Variants in ACYP2 observed in about 807,000 individuals in gnomAD.
ACYP2 encodes acylphosphatase-2.
A neutral mutation model predicts 11.2 loss-of-function variants in ACYP2; 12 were observed. The observed-to-expected ratio is 1.08, with a 90% CI of 0.69 to 1.74. ACYP2 has a LOEUF of 1.74. Among genes scored for constraint, ACYP2 ranks in the 40% most tolerant of loss-of-function variants. The probability of loss-of-function intolerance (pLI) is 0.00; values close to 1 mark genes in which losing one functional copy is unlikely to be tolerated. For missense variants in ACYP2, 134 were observed against 101.9 expected, an observed-to-expected ratio of 1.31 and a Z score of -1.35; for synonymous variants, 43 against 32.2, an observed-to-expected ratio of 1.33 and a Z score of -1.13.
chr2:53,990,344 A>G (rs759130096), intron 2 of ACYP2, among the ~76,000 whole-genome samples: 13 of 152,070 alleles, frequency 8.5e-5, no homozygotes, highest in Non-Finnish European at 1.9e-4. Flanking sequence ...AACAAGCAAG[A>G]TAGTTGATAT....
intron 4 of ACYP2, among the ~76,000 whole-genome samples, chr2:54,114,379 TC>T (rs1679621716): frequency 8.2e-5 from 2 of 24,388 alleles, no homozygotes; most frequent in African/African-American, 4.0e-4. Flanking sequence ...ATCAAGACAA[TC>T]AAAAAAAAAA....
rs76606751 is a variant in ACYP2 at position 54,107,036 on chromosome 2, T to A, written c.278-28417T>A. ...CATGCACCTAAAAGTATTTTAGAAG[T>A]GTGTCACCGAAATGAAAGACATTTA... On this transcript the variant is annotated intron_variant, in intron 4 of 6. Coordinates refer to ENST00000607452, the MANE Select transcript of ACYP2 (RefSeq NM_001320586.2). Among the ~76,000 whole-genome samples, 251 of 152,306 alleles carry A rather than the reference T, an allele frequency of 1.6e-3. 2 individuals are homozygous for A. The highest frequency in any genetic ancestry group is 5.7e-3 in the African/African-American group (237 of 41,564).
In ACYP2 at chr2:54,267,379, A is replaced by C. The variant is rs945685238; in HGVS notation, c.405-37309A>C. 1.9e-6 allele frequency: 3 copies of C among 1,539,958 alleles called. No homozygotes were observed. The African/African-American group carries it at 4.2e-5, about 21-fold the overall frequency. The stretch of plus-strand genomic sequence containing the variant: ...AGGAGAATTCAGGTGAGAGGTTTCT[A>C]CTTTCAAATGAGAAGGGCTTATACA... On this transcript the variant is annotated intron_variant, in intron 6 of 6. Coordinates refer to ENST00000607452, the MANE Select transcript of ACYP2 (RefSeq NM_001320586.2).
chr2:54,275,675 CCTTT>C (rs1688527077), intron 6 of ACYP2, among the ~76,000 whole-genome samples: 1 of 152,230 alleles, frequency 6.6e-6, no homozygotes, highest in East Asian at 1.9e-4. Context: ...CTAACAATTT[CCTTT>C]CTAAGGAACA....
chr2:54,144,627 T>C (rs191274594), intron 6 of ACYP2, among the ~76,000 whole-genome samples: 353 of 149,174 alleles, frequency 2.4e-3, no homozygotes, highest in African/African-American at 8.0e-3. Flanking sequence ...TGAGCCAAGA[T>C]CATGCCACTG....
intron 2 of ACYP2, among the ~76,000 whole-genome samples, chr2:54,025,987 G>C (rs1455261096): frequency 2.0e-5 from 3 of 152,146 alleles, no homozygotes; most frequent in African/African-American, 7.2e-5. Flanking sequence ...CGTGATGGCA[G>C]GCGCCTGTAG....
chr2:54,255,907 C>T (rs1687496760), intron 6 of ACYP2: 2 of 1,613,990 alleles, frequency 1.2e-6, no homozygotes, highest in Non-Finnish European at 1.7e-6. Context: ...TTTGATGGCT[C>T]CATGACTGCG....
chr2:54,169,095 A>G (rs573615131), intron 6 of ACYP2, among the ~76,000 whole-genome samples: 37 of 152,342 alleles, frequency 2.4e-4, no homozygotes, highest in African/African-American at 8.2e-4. Context: ...TTTCTAAAGT[A>G]TGTTAGACTT....
chr2:54,138,462 A>G (rs886925682), intron 5 of ACYP2, among the ~76,000 whole-genome samples, 177 bp from the exon 3 acceptor site: 1 of 152,218 alleles, frequency 6.6e-6, no homozygotes, highest in Non-Finnish European at 1.5e-5. Context: ...AACAAAAGAT[A>G]CCATTTATGT....
intron 6 of ACYP2, among the ~76,000 whole-genome samples, chr2:54,237,252 TA>T (rs1211666092): frequency 1.3e-5 from 2 of 152,242 alleles, no homozygotes; most frequent in Non-Finnish European, 2.9e-5. Flanking sequence ...GATATAAATA[TA>T]GCTTATATGC....
intron 6 of ACYP2, among the ~76,000 whole-genome samples, chr2:54,264,161 C>T (rs969232705): frequency 7.2e-5 from 11 of 152,070 alleles, no homozygotes; most frequent in Non-Finnish European, 1.5e-4. Context: ...TTCTTCCTTC[C>T]GGTGGGTTCG....
chr2:54,049,363 CT>C (rs745983333), intron 2 of ACYP2, among the ~76,000 whole-genome samples: 3 of 152,286 alleles, frequency 2.0e-5, no homozygotes, highest in East Asian at 1.9e-4. Context: ...ACACTTGCCC[CT>C]GTCAATGTGT....
At chr2:54,070,097 C>G (rs1676954242) in intron 4 of ACYP2, among the ~76,000 whole-genome samples, 1 of 151,934 alleles carries the variant, frequency 6.6e-6, no homozygotes, top group African/African-American at 2.4e-5. Context: ...ATGGAAAAAC[C>G]TCGTCTCTAC....
intron 4 of ACYP2, among the ~76,000 whole-genome samples, chr2:54,099,100 A>G (rs1047578647): frequency 6.6e-6 from 1 of 152,118 alleles, no homozygotes; most frequent in Non-Finnish European, 1.5e-5. Context: ...TTGTGCTTGG[A>G]TGGTTCCCTT....
intron 6 of ACYP2, among the ~76,000 whole-genome samples, chr2:54,252,680 G>A (rs1201631203): frequency 6.6e-6 from 1 of 152,078 alleles, no homozygotes; most frequent in Non-Finnish European, 1.5e-5. Context: ...TGGTCGGGCG[G>A]ATCACAAGGT....
chr2:54,190,258 G>C (rs1305613707), intron 6 of ACYP2, among the ~76,000 whole-genome samples: 1 of 151,850 alleles, frequency 6.6e-6, no homozygotes. Context: ...TGAGCTTTTG[G>C]TGTGATATCC....
intron 6 of ACYP2, among the ~76,000 whole-genome samples, chr2:54,182,651 G>C (rs899898093): frequency 4.6e-5 from 7 of 152,144 alleles, no homozygotes; most frequent in African/African-American, 1.7e-4. Flanking sequence ...GATAAAATCT[G>C]TGACCACCGT....
chr2:54,304,686 AG>A lies in ACYP2; in HGVS notation c.405del. ...TTTATTTATTTATCTGTTTTTTTAT[AG>A]GAAGTCCTGGCTGAGCAAGGTTGGA... On this transcript the variant is annotated splice_acceptor_variant, in intron 6 of 6. Coordinates refer to ENST00000607452, the MANE Select transcript of ACYP2 (RefSeq NM_001320586.2). LOFTEE classifies it high-confidence loss of function. The A allele has an allele frequency of 6.2e-7, 1 of 1,601,138 alleles. No homozygotes were observed. Among genetic ancestry groups the A allele is most frequent in the Non-Finnish European group, 8.5e-7 (1 of 1,173,364 alleles).
chr2:54,290,037 C>G (rs1319446918), intron 6 of ACYP2, among the ~76,000 whole-genome samples: 2 of 152,082 alleles, frequency 1.3e-5, no homozygotes, highest in South Asian at 2.1e-4. Context: ...AGCCGCCTTT[C>G]CATCCCACCT....
Sources: allele counts gnomAD v4.1 joint callset (sites outside exome capture counted in the v4.1 genomes callset), GRCh38; gene constraint gnomAD v4.1.1; transcripts MANE v1.5; gene names NCBI Gene and HGNC (gene_info 2026-07-23, HGNC 2026-07-21).